The following ERN2 variants were observed in gnomAD, a reference collection of about 807,000 sequenced individuals.
ERN2 encodes serine/threonine-protein kinase/endoribonuclease IRE2.
A neutral mutation model predicts 107.9 loss-of-function variants in ERN2; 111 were observed. The observed-to-expected ratio is 1.03, with a 90% confidence interval of 0.88 to 1.20. The LOEUF (loss-of-function observed/expected upper bound fraction) is 1.20. ERN2 is among the 50% of genes most tolerant of loss of function. The pLI, the probability that ERN2 is intolerant of heterozygous loss-of-function variation, is 0.00. For synonymous variants in ERN2, 524 were observed against 501.7 expected (o/e 1.04, Z -0.59); for missense variants, 1,225 against 1,197.9 (o/e 1.02, Z -0.33).
rs1317917542 is a variant in ERN2, at chr16:23,690,630, AT to A, written c.*200del. ...CCACCATGCCTGGCTAATTTTACAA[AT>A]TTTTTGTAGAAATGGGGTGTTGCCA... is the stretch of plus-strand genomic sequence containing the variant. On this transcript the variant is annotated 3_prime_UTR_variant, in exon 22 of 22. Transcript: ENST00000256797. 3 of 592,196 alleles carry A rather than the reference AT, an allele frequency of 5.1e-6. No individual in the cohort carries two copies. The highest frequency in any genetic ancestry group is 9.0e-6 in the Non-Finnish European group (3 of 333,286). 36.7% of individuals were successfully genotyped at this position (592,196 alleles called of 1,614,324 possible).
At chr16:23,710,444 ACT>A (rs974281024) in intron 3 of ERN2, 70 bp downstream of exon 3, 12 of 1,518,564 alleles carry the variant, frequency 7.9e-6, no homozygotes, top group Non-Finnish European at 1.0e-5. Context: ...CCACATACAA[ACT>A]CTCTCCAGAC....
In ERN2 at chr16:23,695,372, C is replaced by T. The variant is rs769423659; in HGVS notation, c.1628G>A (p.Arg543Gln). ...TFVFRGQFEG[R>Q]AVAVKRLLRE... is the part of the protein sequence containing the mutation. ...GAGGAGCCGCTTGACAGCCACTGCC[C>T]GTCCCTCAAACTGTCCCCTGGAAAG... The change falls in exon 15 of 22, where the codon CGG becomes CAG. Residue 543 changes from arginine (R) to glutamine (Q), a missense_variant. Coordinates refer to ENST00000256797, the MANE Select transcript of ERN2 (RefSeq NM_033266.4). 15 of 1,598,496 alleles carry T rather than the reference C, an allele frequency of 9.4e-6. No individual in the cohort carries two copies. Among genetic ancestry groups the T allele is most frequent in the Non-Finnish European group, 1.3e-5 (15 of 1,172,442 alleles).
intron 2 of ERN2, 26 bp from the exon 3 acceptor site, chr16:23,710,575 A>G: frequency 6.2e-7 from 1 of 1,613,842 alleles, no homozygotes; most frequent in Non-Finnish European, 8.5e-7. Flanking sequence ...CACAGAACAT[A>G]AGCAGTTTCC....
intron 4 of ERN2, 33 bp from the exon 5 acceptor site, chr16:23,707,112 G>A: frequency 6.7e-7 from 1 of 1,498,050 alleles, no homozygotes; most frequent in Non-Finnish European, 9.3e-7. Flanking sequence ...GAAGGAGTAA[G>A]AGCAGCAACA....
At chr16:23,698,163 G>T (rs1941267763) in intron 13 of ERN2, among the ~76,000 whole-genome samples, 1 of 152,138 alleles carries the variant, frequency 6.6e-6, no homozygotes, top group African/African-American at 2.4e-5. Context: ...TCTTTCACAG[G>T]TATTTGCCAG....
intron 4 of ERN2, among the ~76,000 whole-genome samples, chr16:23,708,503 C>T (rs758084335): frequency 8.6e-5 from 13 of 151,804 alleles, no homozygotes; most frequent in Admixed American, 1.3e-4. Flanking sequence ...ACTGCAGGCA[C>T]GTGCCACCAC....
chr16:23,693,557 C>A (rs1959682843), intron 17 of ERN2, among the ~76,000 whole-genome samples: 1 of 151,320 alleles, frequency 6.6e-6, no homozygotes, highest in Admixed American at 6.6e-5. Context: ...TCACTGCACT[C>A]CAGCTTGGGC....
chr16:23,706,742 G>A lies in ERN2; in HGVS notation c.487+12C>T. ...TGCCCAGAGCTTGAGGAACAGCTGG[G>A]GCCCAACTCACGTGTTCGGCCAATG... On this transcript the variant is annotated intron_variant, in intron 6 of 21. Coordinates refer to ENST00000256797, the MANE Select transcript of ERN2 (RefSeq NM_033266.4). 6.3e-7 allele frequency: 1 copy of A among 1,575,730 alleles called. No individual in the cohort carries two copies. The highest frequency in any genetic ancestry group is 1.1e-5 in the South Asian group (1 of 89,222).
chr16:23,703,052 C>T (rs913019891), intron 8 of ERN2, among the ~76,000 whole-genome samples: 1 of 151,798 alleles, frequency 6.6e-6, no homozygotes. Flanking sequence ...CAGACTCAAC[C>T]AAGCCATGAG....
At chr16:23,701,638 CTTTT>C (rs61424406) in intron 11 of ERN2, among the ~76,000 whole-genome samples, 1 of 137,954 alleles carries the variant, frequency 7.2e-6, no homozygotes, top group African/African-American at 2.7e-5. Flanking sequence ...TAGTCAATGT[CTTTT>C]TTTTTTTTTT....
intron 10 of ERN2, 25 bp downstream of exon 10, chr16:23,702,365 C>A (rs1244994917): frequency 6.2e-7 from 1 of 1,611,124 alleles, no homozygotes; most frequent in East Asian, 2.2e-5. Flanking sequence ...TTCATCTACT[C>A]CCAATTTGAG....
chr16:23,710,392 C>A (rs1321817015), intron 3 of ERN2, 124 bp downstream of exon 3: 5 of 1,223,370 alleles, frequency 4.1e-6, no homozygotes, highest in Admixed American at 3.4e-5. Context: ...TATATCACAT[C>A]CAGAGCCAAT....
At position 23,706,402 on chromosome 16, in the gene ERN2, C is replaced by T. The variant is rs1213846890; in HGVS notation, c.517G>A (p.Ala173Thr). 11 of 1,575,734 alleles carry T rather than the reference C, an allele frequency of 7.0e-6. No homozygotes were observed. The highest frequency in any genetic ancestry group is 5.5e-5 in the Admixed American group (3 of 54,396). Residue 173 changes from alanine to threonine, a missense_variant, in exon 7 of 22, where the codon GCC becomes ACC. Coordinates refer to ENST00000256797, the MANE Select transcript of ERN2 (RefSeq NM_033266.4). ...GTGGTGTTCCAGCGCAGGGCTGGGGCTCTTGGGTCATGCATGGTGACCGTA... is the reference window on the plus strand; with the variant it reads ...GTGGTGTTCCAGCGCAGGGCTGGGGTTCTTGGGTCATGCATGGTGACCGTA... ...QYTVTMHDPR[A>T]PALRWNTTYR...
Position 23,701,083 on chromosome 16 carries a change from T to C in ERN2, c.1235A>G (p.Asp412Gly). ...TTTTTCTTCTGGATGCAGCTCGGAGTCCCAAAGTTTCTCTCGGCTCAGGCT... is the reference window on the plus strand; with the variant it reads ...TTTTTCTTCTGGATGCAGCTCGGAGCCCCAAAGTTTCTCTCGGCTCAGGCT... ...LLSLSREKLW[D>G]SELHPEEKTP... is the part of the protein sequence containing the mutation. The change falls in exon 12 of 22, where the codon GAC becomes GGC. Residue 412 changes from aspartate to glycine, a missense_variant. Physicochemically the swap from Asp to Gly is moderately conservative, Grantham distance 94. Coordinates refer to ENST00000256797, the MANE Select transcript of ERN2 (RefSeq NM_033266.4). 6.2e-7 allele frequency: 1 copy of C among 1,613,914 alleles called. No individual in the cohort carries two copies.
At chr16:23,709,093 T>A (rs951344957) in intron 4 of ERN2, 1 of 441,338 alleles carries the variant, frequency 2.3e-6, no homozygotes, top group Non-Finnish European at 4.5e-6. Context: ...TCCTAAATCA[T>A]ATACTTAAGA....
rs1310677269 is a variant in ERN2, at chr16:23,691,093, C to T, written c.2568+36G>A. ...CCTGGCTCAGCTGCGGCCAGGCCTT[C>T]CCAAGACCCAGGCCCACCCAGGCCC... On this transcript the variant is annotated intron_variant, in intron 21 of 21. Coordinates refer to ENST00000256797, the MANE Select transcript of ERN2 (RefSeq NM_033266.4). 7 of 1,613,880 alleles carry T rather than the reference C, an allele frequency of 4.3e-6. No homozygotes were observed. In the South Asian group the frequency reaches 6.6e-5, roughly 15 times the overall value.
At chr16:23,710,830 T>C in intron 2 of ERN2, 83 bp downstream of exon 2, 3 of 1,056,934 alleles carry the variant, frequency 2.8e-6, no homozygotes, top group Admixed American at 3.6e-5. Context: ...CTAGAGCCCA[T>C]GTTCTTATTC....
chr16:23,702,078 GA>G, intron 11 of ERN2, 73 bp downstream of exon 11: 1 of 1,489,306 alleles, frequency 6.7e-7, no homozygotes, highest in Non-Finnish European at 9.1e-7. Flanking sequence ...GCAGCCCGAG[GA>G]AAAGATCCAA....
chr16:23,705,401 A>G (rs1383633647), intron 7 of ERN2, among the ~76,000 whole-genome samples: 1 of 152,144 alleles, frequency 6.6e-6, no homozygotes, highest in African/African-American at 2.4e-5. Context: ...CATGGTCAAC[A>G]TATGGTCACC....
Sources: allele counts gnomAD v4.1 joint callset (sites outside exome capture counted in the v4.1 genomes callset), GRCh38; gene constraint gnomAD v4.1.1; transcripts MANE v1.5; gene names NCBI Gene and HGNC (gene_info 2026-07-23, HGNC 2026-07-21).